Variants in RGS7 observed in about 807,000 individuals in gnomAD.
The protein encoded by RGS7 is regulator of G-protein signaling 7.
In RGS7, 27 loss-of-function variants were observed where a neutral mutation model predicts 81.1. The ratio of observed to expected loss-of-function variants is 0.33; its 90% confidence interval spans 0.25 to 0.46. The LOEUF is 0.46. Ranked by LOEUF, RGS7 falls within the 20% of genes least tolerant of loss-of-function variation. The pLI, the probability that RGS7 is intolerant of heterozygous loss-of-function variation, is 1.00. For synonymous variants in RGS7, 208 were observed against 207.7 expected, an observed-to-expected ratio of 1.00 and a Z score of -0.01; for missense variants, 396 against 607.4, an observed-to-expected ratio of 0.65 and a Z score of 3.66.
intron 18 of RGS7, among the ~76,000 whole-genome samples, chr1:240,787,008 CA>C (rs1251982082): frequency 6.6e-6 from 1 of 152,032 alleles, no homozygotes. Context: ...CACATTCTGT[CA>C]AATTCTATTC....
At chr1:241,037,897 A>G (rs1353200323) in intron 3 of RGS7, among the ~76,000 whole-genome samples, 1 of 152,204 alleles carries the variant, frequency 6.6e-6, no homozygotes. Flanking sequence ...GTTCTCACTT[A>G]TAAGTAAGGG....
intron 2 of RGS7, among the ~76,000 whole-genome samples, chr1:241,251,713 T>C (rs2076836605): frequency 6.6e-6 from 1 of 152,066 alleles, no homozygotes; most frequent in Non-Finnish European, 1.5e-5. Context: ...TTTCATCACC[T>C]TCACCAGGCT....
chr1:240,942,774 G>A (rs533723699), intron 4 of RGS7, among the ~76,000 whole-genome samples: 24 of 152,258 alleles, frequency 1.6e-4, no homozygotes, highest in African/African-American at 5.8e-4. Flanking sequence ...TGTTTAAGAA[G>A]ACATGGAAGT....
chr1:241,249,720 CTCTT>C (rs2076736999), intron 2 of RGS7, among the ~76,000 whole-genome samples: 2 of 152,126 alleles, frequency 1.3e-5, no homozygotes, highest in South Asian at 2.1e-4. Flanking sequence ...ATCTAGCAAT[CTCTT>C]TCTAAGTATG....
In RGS7 at chr1:241,148,075, G is replaced by A. The variant is rs111816139; in HGVS notation, c.79-49313C>T. ...TCTTTTTTTTTTTTTTTTTTGAGACGGAGTCTCACCCTGTTGCCCAGGCTG... is the reference window on the plus strand; with the variant it reads ...TCTTTTTTTTTTTTTTTTTTGAGACAGAGTCTCACCCTGTTGCCCAGGCTG... On this transcript the variant is annotated intron_variant, in intron 2 of 18. Transcript: ENST00000440928. 2.2e-3 allele frequency among the ~76,000 whole-genome samples: 264 copies of A among 122,110 alleles called. 3 individuals carry two copies. The highest frequency in any genetic ancestry group is 0.013 in the South Asian group (50 of 3,814). The allele number at this position is 122,110 out of a possible 152,430, so 80.1% of individuals were successfully genotyped here. A position where few individuals can be genotyped will look rare whatever the true frequency, so the allele number is the denominator to read the frequency against.
intron 3 of RGS7, among the ~76,000 whole-genome samples, chr1:241,037,808 C>T (rs2060410937): frequency 6.6e-6 from 1 of 151,656 alleles, no homozygotes; most frequent in Non-Finnish European, 1.5e-5. Flanking sequence ...GAAATAATGA[C>T]TTTTGCAGCA....
chr1:241,203,358 A>G (rs1451877671), intron 2 of RGS7, among the ~76,000 whole-genome samples: 1 of 151,884 alleles, frequency 6.6e-6, no homozygotes, highest in Non-Finnish European at 1.5e-5. Flanking sequence ...TCAGCCTCCC[A>G]AGTAGCTGGG....
chr1:241,155,674 T>G (rs892920028), intron 2 of RGS7, among the ~76,000 whole-genome samples: 1 of 152,110 alleles, frequency 6.6e-6, no homozygotes, highest in Non-Finnish European at 1.5e-5. Flanking sequence ...TAAGTATGTT[T>G]GAGGTAAAAT....
chr1:241,341,524 T>A lies in RGS7; in HGVS notation c.78+14175A>T, dbSNP rs187119009. 2.7e-4 allele frequency among the ~76,000 whole-genome samples: 41 copies of A among 150,458 alleles called. 1 individual carries two copies. The East Asian group carries it at 7.6e-3, about 28-fold the overall frequency. On this transcript the variant is annotated intron_variant, in intron 2 of 18. Coordinates refer to ENST00000440928, the MANE Select transcript of RGS7 (RefSeq NM_001364886.1). ...CTGCTAGTCCTTTAAACTATTAGGA[T>A]TGAAAATGATGGAAAAGGAGAAGGA...
chr1:241,248,908 T>C (rs1368870085), intron 2 of RGS7, among the ~76,000 whole-genome samples: 1 of 152,198 alleles, frequency 6.6e-6, no homozygotes, highest in African/African-American at 2.4e-5. Flanking sequence ...ATTTCTTGGT[T>C]GTACAGATTA....
At chr1:241,265,012 T>C (rs1160050366) in intron 2 of RGS7, among the ~76,000 whole-genome samples, 1 of 152,238 alleles carries the variant, frequency 6.6e-6, no homozygotes, top group Non-Finnish European at 1.5e-5. Flanking sequence ...TCTGCTTTTC[T>C]CTGAGTGGCG....
intron 2 of RGS7, among the ~76,000 whole-genome samples, chr1:241,337,375 T>C (rs2082302548): frequency 6.6e-6 from 1 of 152,108 alleles, no homozygotes; most frequent in East Asian, 1.9e-4. Context: ...TACCAGAGTA[T>C]ATTGCTGTAG....
At chr1:241,153,030 C>T (rs1054817112) in intron 2 of RGS7, among the ~76,000 whole-genome samples, 7 of 152,114 alleles carry the variant, frequency 4.6e-5, no homozygotes, top group African/African-American at 1.4e-4. Flanking sequence ...TTTTAAAGAT[C>T]GATGAGTTGT....
At position 240,788,641 on chromosome 1, in the gene RGS7, T is replaced by C. The variant is rs147607301; in HGVS notation, c.*6+12000A>G. Among the ~76,000 whole-genome samples, 73 of 152,356 alleles carry C rather than the reference T, an allele frequency of 4.8e-4. No individual in the cohort carries two copies. The East Asian group carries it at 0.012, about 25-fold the overall frequency. On this transcript the variant is annotated intron_variant, in intron 18 of 18. Transcript: ENST00000440928. Reference sequence around the variant, plus strand: ...ATGCGTCTCAAGTGAGAACTGCGGATGTTTAGTAAGGAGAGATCAGCTGGG... The same window carrying C: ...ATGCGTCTCAAGTGAGAACTGCGGACGTTTAGTAAGGAGAGATCAGCTGGG...
intron 3 of RGS7, among the ~76,000 whole-genome samples, chr1:241,034,460 C>T (rs2060233686): frequency 6.6e-6 from 1 of 152,108 alleles, no homozygotes; most frequent in Non-Finnish European, 1.5e-5. Flanking sequence ...AAGCAAGAGG[C>T]TTAGAAATGT....
chr1:241,075,332 C>T (rs2062726136), intron 3 of RGS7, among the ~76,000 whole-genome samples: 1 of 152,086 alleles, frequency 6.6e-6, no homozygotes. Flanking sequence ...ATAGGTCGAG[C>T]AACAAAAACT....
At chr1:241,281,050 T>TA (rs999347460) in intron 2 of RGS7, among the ~76,000 whole-genome samples, 45 of 150,810 alleles carry the variant, frequency 3.0e-4, no homozygotes, top group Admixed American at 9.3e-4. Flanking sequence ...TCTAGAAATA[T>TA]AAAAAAAAAT....
At chr1:241,186,064 C>A (rs1488331264) in intron 2 of RGS7, among the ~76,000 whole-genome samples, 3 of 151,984 alleles carry the variant, frequency 2.0e-5, no homozygotes, top group Admixed American at 6.6e-5. Flanking sequence ...ATAAAACTGA[C>A]AAATTTCTAG....
intron 6 of RGS7, among the ~76,000 whole-genome samples, chr1:240,906,002 G>T (rs1670753201): frequency 6.6e-6 from 1 of 152,248 alleles, no homozygotes; most frequent in Admixed American, 6.5e-5. Flanking sequence ...TAATTTCCCA[G>T]GTTCCATCTC....
Sources: allele counts gnomAD v4.1 joint callset (sites outside exome capture counted in the v4.1 genomes callset), GRCh38; gene constraint gnomAD v4.1.1; transcripts MANE v1.5; gene names NCBI Gene and HGNC (gene_info 2026-07-23, HGNC 2026-07-21).